The following CC2D2A variants were observed in gnomAD, a reference collection of about 807,000 sequenced individuals.
CC2D2A encodes coiled-coil and C2 domain containing 2A.
A neutral mutation model predicts 212.9 loss-of-function variants in CC2D2A; 155 were observed. That is an observed-to-expected ratio of 0.73 (90% CI 0.64 to 0.83). The LOEUF (loss-of-function observed/expected upper bound fraction) is 0.83, where lower values mean the gene tolerates loss of function less well. CC2D2A is among the 40% of genes least tolerant of loss of function. The pLI, the probability that CC2D2A is intolerant of heterozygous loss-of-function variation, is 0.00. For synonymous variants in CC2D2A, 667 were observed against 686.5 expected (o/e 0.97, Z 0.44); for missense variants, 1,856 against 1,956.2 (o/e 0.95, Z 0.97).
chr4:15,576,731 T>C (rs551087588), intron 29 of CC2D2A: 1 of 152,808 alleles, frequency 6.5e-6, no homozygotes, highest in Non-Finnish European at 1.5e-5. Flanking sequence ...TCCTAACGTA[T>C]GTGTAATGCC....
chr4:15,492,941 T>A, intron 4 of CC2D2A: 2 of 522,586 alleles, frequency 3.8e-6, no homozygotes, highest in South Asian at 3.1e-5. Context: ...CTCTGATGCC[T>A]GCTTCACCAC....
intron 33 of CC2D2A, among the ~76,000 whole-genome samples, chr4:15,591,698 C>A (rs548501117): frequency 9.2e-5 from 14 of 152,228 alleles, no homozygotes; most frequent in Admixed American, 3.3e-4. Flanking sequence ...TAATAAAAGT[C>A]ATTATAATGA....
rs1224228052 is a variant in CC2D2A, at chr4:15,589,804, C to CAT, written c.4314+135_4314+136dup. 10 of 222,594 alleles carry CAT rather than the reference C, an allele frequency of 4.5e-5. No homozygotes were observed. In the South Asian group the frequency reaches 7.8e-4, roughly 17 times the overall value. 13.8% of individuals were successfully genotyped at this position (222,594 alleles called of 1,614,324 possible). On this transcript the variant is annotated intron_variant, in intron 33 of 36. Transcript: ENST00000424120. Reference sequence around the variant, plus strand: ...AAATGAATATATATATATATACACACATATATATATACCAGTTAAAAGAAA... The same window carrying CAT: ...AAATGAATATATATATATATACACACATATATATATATACCAGTTAAAAGAAA...
intron 35 of CC2D2A, among the ~76,000 whole-genome samples, chr4:15,598,771 T>C (rs1170431297): frequency 2.6e-5 from 4 of 152,164 alleles, no homozygotes; most frequent in African/African-American, 9.7e-5. Context: ...CCACAAATAT[T>C]TGAGGCTTTC....
At chr4:15,598,247 C>T (rs376322660) in intron 35 of CC2D2A, among the ~76,000 whole-genome samples, 3 of 152,118 alleles carry the variant, frequency 2.0e-5, no homozygotes, top group Admixed American at 6.5e-5. Flanking sequence ...TACTTTCGTG[C>T]GCAGACCATC....
intron 8 of CC2D2A, among the ~76,000 whole-genome samples, chr4:15,512,729 A>C (rs1057283684): frequency 2.6e-5 from 4 of 152,190 alleles, no homozygotes; most frequent in African/African-American, 9.6e-5. Flanking sequence ...AGGAGGGCGG[A>C]TCACCTAAGG....
At chr4:15,593,544 G>A (rs1011603629) in intron 33 of CC2D2A, among the ~76,000 whole-genome samples, 6 of 152,016 alleles carry the variant, frequency 3.9e-5, no homozygotes, top group African/African-American at 7.2e-5. Flanking sequence ...TCCAATCACC[G>A]ACTCAACATC....
intron 28 of CC2D2A, among the ~76,000 whole-genome samples, chr4:15,572,492 G>T (rs1720215226): frequency 6.6e-6 from 1 of 151,566 alleles, no homozygotes; most frequent in African/African-American, 2.4e-5. Flanking sequence ...CCCACATTTG[G>T]TAATGTCTAA....
chr4:15,593,410 C>A (rs894415733), intron 33 of CC2D2A, among the ~76,000 whole-genome samples: 2 of 152,108 alleles, frequency 1.3e-5, no homozygotes, highest in Non-Finnish European at 2.9e-5. Context: ...CATTAGAGAT[C>A]CTCAAAGTTC....
intron 4 of CC2D2A, among the ~76,000 whole-genome samples, chr4:15,494,176 C>T (rs985671478): frequency 3.3e-5 from 5 of 152,168 alleles, no homozygotes; most frequent in African/African-American, 1.2e-4. Context: ...ATGCCCTGTG[C>T]ACCACCACAA....
At chr4:15,516,781 T>C in intron 11 of CC2D2A, 25 bp downstream of exon 11, 1 of 1,602,036 alleles carries the variant, frequency 6.2e-7, no homozygotes, top group Non-Finnish European at 8.5e-7. Flanking sequence ...CTCTCCACTT[T>C]TATTAAATGA....
chr4:15,472,114 G>A (rs1269008017), intron 1 of CC2D2A, among the ~76,000 whole-genome samples: 3 of 152,200 alleles, frequency 2.0e-5, no homozygotes, highest in Admixed American at 6.5e-5. Flanking sequence ...TAAATGGTGA[G>A]ATGGAGGGGT....
rs1055285372 is a variant in CC2D2A, at chr4:15,532,367, G to C, written c.1467-826G>C. Among the ~76,000 whole-genome samples, 9 of 152,210 alleles carry C rather than the reference G, an allele frequency of 5.9e-5. No individual in the cohort carries two copies. The South Asian group carries it at 1.7e-3, about 28-fold the overall frequency. On this transcript the variant is annotated intron_variant, in intron 13 of 36. Transcript: ENST00000424120. Reference sequence around the variant, plus strand: ...ATCACACGTACAACCTCCAGACTTAGGCCTGCCTTCTGGAGGTCATGAGGT... The same window carrying C: ...ATCACACGTACAACCTCCAGACTTACGCCTGCCTTCTGGAGGTCATGAGGT...
At chr4:15,601,131 A>T in intron 36 of CC2D2A, 106 bp from the exon 37 acceptor site, 1 of 820,618 alleles carries the variant, frequency 1.2e-6, no homozygotes, top group Non-Finnish European at 1.8e-6. Flanking sequence ...ACACAAGCAA[A>T]TAACTGAGAT....
At chr4:15,579,550 T>G (rs1196359892) in intron 29 of CC2D2A, among the ~76,000 whole-genome samples, 1 of 152,198 alleles carries the variant, frequency 6.6e-6, no homozygotes, top group Non-Finnish European at 1.5e-5. Context: ...CATGAGTTGC[T>G]TAAGATTTAC....
rs768766888 is a variant in CC2D2A, at chr4:15,600,301, CAAA to C, written c.4674+598_4674+600del. ...TTTTCAGTTCAAGTGTCAGAAAACT[CAAA>C]AAGGCTTGAGCAATAGAGAATCTAC... On this transcript the variant is annotated intron_variant, in intron 36 of 36. Transcript: ENST00000424120. Among the ~76,000 whole-genome samples, 4 of 152,214 alleles carry C rather than the reference CAAA, an allele frequency of 2.6e-5. No individual in the cohort carries two copies. In the South Asian group the frequency reaches 8.3e-4, roughly 32 times the overall value.
At chr4:15,542,411 C>T (rs1156627374) in intron 17 of CC2D2A, among the ~76,000 whole-genome samples, 1 of 152,150 alleles carries the variant, frequency 6.6e-6, no homozygotes, top group Non-Finnish European at 1.5e-5. Flanking sequence ...CACAGATCCT[C>T]ATCCATCACT....
intron 17 of CC2D2A, 32 bp downstream of exon 17, chr4:15,541,046 C>A (rs1475583232): frequency 6.0e-6 from 9 of 1,491,374 alleles, no homozygotes; most frequent in Non-Finnish European, 7.2e-6. Flanking sequence ...ACTGGCCGGG[C>A]ACTGTGGCTC....
chr4:15,598,773 G>C (rs2148495269), intron 35 of CC2D2A, among the ~76,000 whole-genome samples: 2 of 152,258 alleles, frequency 1.3e-5, no homozygotes, highest in South Asian at 4.1e-4. Context: ...ACAAATATTT[G>C]AGGCTTTCAA....
Sources: gnomAD v4.1 joint callset for allele counts (sites outside exome capture counted in the v4.1 genomes callset) on GRCh38, gnomAD v4.1.1 for gene constraint, MANE v1.5 for transcripts, NCBI Gene and HGNC (gene_info 2026-07-23, HGNC 2026-07-21) for gene names.